Variants in GRID2 observed in about 807,000 individuals in gnomAD.
The protein encoded by GRID2 is glutamate ionotropic receptor delta type subunit 2.
Under a neutral mutation model 114.8 loss-of-function variants are expected in GRID2, and 33 were observed. The ratio of observed to expected loss-of-function variants is 0.29; its 90% CI spans 0.22 to 0.38. The LOEUF (loss-of-function observed/expected upper bound fraction) is 0.38. Among genes scored for constraint, GRID2 ranks in the 10% least tolerant of loss-of-function variants. The pLI is 1.00. For synonymous variants in GRID2, 505 were observed against 449.9 expected, an observed-to-expected ratio of 1.12 and a Z score of -1.55; for missense variants, 1,184 against 1,257.7, an observed-to-expected ratio of 0.94 and a Z score of 0.89.
At chr4:93,066,064 C>T (rs1047788760) in intron 2 of GRID2, among the ~76,000 whole-genome samples, 1 of 151,760 alleles carries the variant, frequency 6.6e-6, no homozygotes, top group Non-Finnish European at 1.5e-5. Context: ...TAAGTAACTT[C>T]CCTGAAGTTA....
chr4:92,531,786 GT>G (rs66531732), intron 1 of GRID2, among the ~76,000 whole-genome samples: 26 of 151,784 alleles, frequency 1.7e-4, no homozygotes, highest in South Asian at 4.2e-4. Flanking sequence ...ATAATTCTCA[GT>G]TTTTTTTCTT....
chr4:92,439,262 T>C (rs1732896064), intron 1 of GRID2, among the ~76,000 whole-genome samples: 1 of 152,030 alleles, frequency 6.6e-6, no homozygotes, highest in Non-Finnish European at 1.5e-5. Flanking sequence ...TTTACACTTC[T>C]TTTGTGGTGG....
intron 10 of GRID2, among the ~76,000 whole-genome samples, chr4:93,431,074 T>G (rs1416279203): frequency 6.6e-6 from 1 of 152,036 alleles, no homozygotes; most frequent in African/African-American, 2.4e-5. Context: ...TAAACAGAAT[T>G]TATTGGCTAA....
chr4:92,716,301 C>T (rs1735547872), intron 2 of GRID2, among the ~76,000 whole-genome samples: 1 of 152,168 alleles, frequency 6.6e-6, no homozygotes, highest in Non-Finnish European at 1.5e-5. Flanking sequence ...TAGCCAATTT[C>T]CTCAGTGAAA....
At chr4:92,581,565 G>A (rs1728186184) in intron 1 of GRID2, among the ~76,000 whole-genome samples, 1 of 151,998 alleles carries the variant, frequency 6.6e-6, no homozygotes, top group Non-Finnish European at 1.5e-5. Flanking sequence ...ACATGTTATT[G>A]GAGAGTAAGG....
chr4:93,301,286 A>G (rs953793376), intron 8 of GRID2, among the ~76,000 whole-genome samples: 2 of 152,188 alleles, frequency 1.3e-5, no homozygotes, highest in Admixed American at 6.5e-5. Flanking sequence ...TTATCAATTT[A>G]TCTAAACTAG....
intron 8 of GRID2, among the ~76,000 whole-genome samples, chr4:93,310,144 A>G: frequency 6.6e-6 from 1 of 152,144 alleles, no homozygotes; most frequent in East Asian, 1.9e-4. Context: ...AAGCAATACT[A>G]TTTAGTAGAT....
intron 2 of GRID2, among the ~76,000 whole-genome samples, chr4:92,916,573 A>G (rs1748814938): frequency 2.0e-5 from 3 of 150,118 alleles, no homozygotes; most frequent in Admixed American, 6.7e-5. Context: ...ATGTGTTCTC[A>G]TTATTCAATT....
intron 2 of GRID2, among the ~76,000 whole-genome samples, chr4:93,073,684 G>A (rs1174477651): frequency 6.6e-6 from 1 of 152,074 alleles, no homozygotes; most frequent in African/African-American, 2.4e-5. Context: ...CTTATCTATG[G>A]GGTACATGCA....
chr4:93,256,543 T>C (rs1333483581), intron 8 of GRID2, among the ~76,000 whole-genome samples: 1 of 151,818 alleles, frequency 6.6e-6, no homozygotes, highest in African/African-American at 2.4e-5. Flanking sequence ...TAGACCTATA[T>C]TGAGGAACAA....
At chr4:93,358,038 G>T (rs1761516193) in intron 8 of GRID2, among the ~76,000 whole-genome samples, 1 of 151,536 alleles carries the variant, frequency 6.6e-6, no homozygotes, top group Non-Finnish European at 1.5e-5. Context: ...TATAATTAAT[G>T]ATGTTTACAA....
At chr4:92,923,800 C>G (rs1335942076) in intron 2 of GRID2, among the ~76,000 whole-genome samples, 4 of 151,942 alleles carry the variant, frequency 2.6e-5, no homozygotes, top group Non-Finnish European at 1.5e-5. Flanking sequence ...ATTATTCAGT[C>G]CTCCTGTAAA....
intron 1 of GRID2, among the ~76,000 whole-genome samples, chr4:92,551,497 T>A (rs1726587404): frequency 6.6e-6 from 1 of 152,154 alleles, no homozygotes; most frequent in South Asian, 2.1e-4. Flanking sequence ...ACTAATAATA[T>A]CTGCCTTATC....
chr4:92,446,721 CAT>C (rs1206314689), intron 1 of GRID2, among the ~76,000 whole-genome samples: 2 of 152,176 alleles, frequency 1.3e-5, no homozygotes, highest in African/African-American at 4.8e-5. Flanking sequence ...GGAGAACTTA[CAT>C]AGAGTTACTT....
At chr4:93,589,039 T>TA in intron 13 of GRID2, among the ~76,000 whole-genome samples, 1 of 151,724 alleles carries the variant, frequency 6.6e-6, no homozygotes, top group South Asian at 2.1e-4. Context: ...TGCTTTTTTT[T>TA]TTATTATTTA....
chr4:92,835,653 AC>A (rs999739235), intron 2 of GRID2, among the ~76,000 whole-genome samples: 3 of 152,142 alleles, frequency 2.0e-5, no homozygotes, highest in African/African-American at 7.2e-5. Flanking sequence ...GCCAGTTCTT[AC>A]CCCCAGGTGA....
rs553655865 is a variant in GRID2 at position 92,990,634 on chromosome 4, A to G, written c.245-94361A>G. Among the ~76,000 whole-genome samples the G allele has an allele frequency of 6.6e-5, 10 of 152,042 alleles. No homozygotes were observed. In the East Asian group the frequency reaches 1.2e-3, roughly 18 times the overall value. On this transcript the variant is annotated intron_variant, in intron 2 of 15. Transcript: ENST00000282020. Reference sequence around the variant, plus strand: ...CCATCACATTTTCTGGCCATTTTTAATGTGTTAGTAAATGCTACGTATATT... The same window carrying G: ...CCATCACATTTTCTGGCCATTTTTAGTGTGTTAGTAAATGCTACGTATATT...
At chr4:92,573,256 C>CA (rs1181835170) in intron 1 of GRID2, among the ~76,000 whole-genome samples, 2 of 150,536 alleles carry the variant, frequency 1.3e-5, no homozygotes, top group African/African-American at 2.4e-5. Flanking sequence ...TTATTTTTTT[C>CA]AAAAAAACAG....
intron 9 of GRID2, among the ~76,000 whole-genome samples, chr4:93,422,557 A>G (rs1768394105): frequency 6.6e-6 from 1 of 152,216 alleles, no homozygotes. Flanking sequence ...AATTTTTGAT[A>G]TGGTAATAAT....
Sources: allele counts gnomAD v4.1 joint callset (sites outside exome capture counted in the v4.1 genomes callset), GRCh38; gene constraint gnomAD v4.1.1; transcripts MANE v1.5; gene names NCBI Gene and HGNC (gene_info 2026-07-23, HGNC 2026-07-21).